Variants in ADAM18 observed in about 807,000 individuals in gnomAD.
ADAM18 encodes disintegrin and metalloproteinase domain-containing protein 18.
A neutral mutation model predicts 94.4 loss-of-function variants in ADAM18; 117 were observed. The observed-to-expected ratio is 1.24, with a 90% CI of 1.07 to 1.45. The LOEUF (loss-of-function observed/expected upper bound fraction) is 1.45, where lower values mean the gene tolerates loss of function less well. Among genes scored for constraint, ADAM18 ranks in the 40% most tolerant of loss-of-function variants. The probability of loss-of-function intolerance (pLI) is 0.00; values close to 1 mark genes in which losing one functional copy is unlikely to be tolerated. For synonymous variants in ADAM18, 327 were observed against 291.6 expected, an observed-to-expected ratio of 1.12 and a Z score of -1.24; for missense variants, 936 against 880.0, an observed-to-expected ratio of 1.06 and a Z score of -0.81.
chr8:39,690,054 A>AT (rs1821727076), intron 16 of ADAM18, among the ~76,000 whole-genome samples: 1 of 152,098 alleles, frequency 6.6e-6, no homozygotes, highest in African/African-American at 2.4e-5. Context: ...TTGCACATTG[A>AT]TTTTGTATTC....
chr8:39,597,839 T>G (rs1423537779), intron 2 of ADAM18, among the ~76,000 whole-genome samples: 1 of 152,240 alleles, frequency 6.6e-6, no homozygotes, highest in Admixed American at 6.5e-5. Flanking sequence ...GGAATTTTGA[T>G]TGGAACTATC....
At chr8:39,689,071 A>G (rs1821694323) in intron 16 of ADAM18, among the ~76,000 whole-genome samples, 1 of 151,012 alleles carries the variant, frequency 6.6e-6, no homozygotes, top group Non-Finnish European at 1.5e-5. Flanking sequence ...TTTTCTTGTA[A>G]CTTTGTTTAA....
At chr8:39,628,415 CAATA>C (rs1415575337) in intron 6 of ADAM18, among the ~76,000 whole-genome samples, 2 of 109,856 alleles carry the variant, frequency 1.8e-5, no homozygotes, top group African/African-American at 7.3e-5. Context: ...ACTGATAGAT[CAATA>C]GATAGATAGA....
chr8:39,636,001 G>GTTTTT (rs199533879), intron 7 of ADAM18, among the ~76,000 whole-genome samples: 5 of 141,876 alleles, frequency 3.5e-5, no homozygotes, highest in East Asian at 2.0e-4. Context: ...TAACCATTAA[G>GTTTTT]TTTTTTTGTT....
chr8:39,706,842 A>G lies in ADAM18; in HGVS notation c.1955A>G (p.Asp652Gly), dbSNP rs1822255470. 1 of 1,611,496 alleles carries G rather than the reference A, an allele frequency of 6.2e-7. No homozygotes were observed. The highest frequency in any genetic ancestry group is 2.2e-5 in the East Asian group (1 of 44,830). ...TGCTTCCCTGGACATAGACCTCCAG[A>G]TTGTAAATTCCAGTTTGGTTCCCCA... is the stretch of plus-strand genomic sequence containing the variant. ...CQCFPGHRPP[D>G]CKFQFGSPGG... The change falls in exon 18 of 20, where the codon GAT becomes GGT. Residue 652 changes from aspartate (D) to glycine (G), a missense_variant. Physicochemically the swap from Asp to Gly is moderately conservative, Grantham distance 94 (BLOSUM62 -1). Transcript: ENST00000265707.
intron 2 of ADAM18, among the ~76,000 whole-genome samples, chr8:39,589,658 A>G (rs1818513825): frequency 6.6e-6 from 1 of 151,630 alleles, no homozygotes; most frequent in Admixed American, 6.6e-5. Context: ...GTATGTATGT[A>G]TATATTTATT....
At chr8:39,694,361 CTG>C (rs1353399152) in intron 17 of ADAM18, among the ~76,000 whole-genome samples, 3 of 151,318 alleles carry the variant, frequency 2.0e-5, no homozygotes, top group Non-Finnish European at 4.4e-5. Flanking sequence ...CCCCTTTAAT[CTG>C]TTAATGTACA....
chr8:39,596,197 A>T (rs1818736871), intron 2 of ADAM18, among the ~76,000 whole-genome samples: 1 of 152,204 alleles, frequency 6.6e-6, no homozygotes, highest in Middle Eastern at 3.2e-3. Context: ...TTGACACATC[A>T]TCACTCAAAA....
Position 39,585,352 on chromosome 8 carries a change from G to C in ADAM18, c.132G>C (p.Lys44Asn). ...KSNDSEVSER[K>N]MIYIITIDGQ... Reference sequence around the variant, plus strand: ...ATGACAGTGAAGTTTCAGAGAGGAAGGTAAATGATGAGGAATATTTATTCT... The same window carrying C: ...ATGACAGTGAAGTTTCAGAGAGGAACGTAAATGATGAGGAATATTTATTCT... Residue 44 changes from lysine (K) to asparagine (N), a missense_variant and splice_region_variant, in exon 2 of 20, where the codon AAG becomes AAC. Transcript: ENST00000265707. The C allele has an allele frequency of 6.2e-7, 1 of 1,606,080 alleles. No homozygotes were observed.
At chr8:39,636,576 A>G (rs1173282128) in intron 7 of ADAM18, among the ~76,000 whole-genome samples, 1 of 152,050 alleles carries the variant, frequency 6.6e-6, no homozygotes. Context: ...AAAAGTATAT[A>G]TGTTTAAGAT....
At chr8:39,726,993 G>A (rs1476454966) in intron 19 of ADAM18, among the ~76,000 whole-genome samples, 2 of 152,156 alleles carry the variant, frequency 1.3e-5, no homozygotes, top group Non-Finnish European at 2.9e-5. Context: ...TTTACCAAAA[G>A]TAGTTACTTT....
chr8:39,640,195 C>T (rs1307384123), intron 10 of ADAM18, among the ~76,000 whole-genome samples: 1 of 152,042 alleles, frequency 6.6e-6, no homozygotes, highest in East Asian at 1.9e-4. Context: ...CCTCCAACCT[C>T]CAACAGGCTC....
At chr8:39,688,961 C>T (rs10088922) in intron 16 of ADAM18, among the ~76,000 whole-genome samples, 11,755 of 152,000 alleles carry the variant, frequency 0.077, 1,394 homozygotes, top group African/African-American at 0.25. Context: ...TCTTAATGCT[C>T]GATGATGTTG....
intron 2 of ADAM18, among the ~76,000 whole-genome samples, chr8:39,595,128 T>C (rs1257645304): frequency 1.3e-5 from 2 of 152,204 alleles, no homozygotes; most frequent in African/African-American, 2.4e-5. Context: ...AATTTTCAGA[T>C]TGGATAATTT....
chr8:39,630,613 G>T (rs183580332), intron 7 of ADAM18, among the ~76,000 whole-genome samples: 261 of 151,890 alleles, frequency 1.7e-3, no homozygotes, highest in African/African-American at 6.0e-3. Context: ...TATTCACATT[G>T]TTGCCCATAA....
At chr8:39,672,450 C>T (rs1821182062) in intron 14 of ADAM18, among the ~76,000 whole-genome samples, 1 of 152,134 alleles carries the variant, frequency 6.6e-6, no homozygotes, top group Non-Finnish European at 1.5e-5. Flanking sequence ...GGGTACCTTC[C>T]CTACCAAGTG....
intron 16 of ADAM18, among the ~76,000 whole-genome samples, chr8:39,687,057 A>G (rs1821626249): frequency 6.6e-6 from 1 of 152,244 alleles, no homozygotes; most frequent in African/African-American, 2.4e-5. Flanking sequence ...TGGATTGCAG[A>G]AATACAGATA....
At chr8:39,592,990 A>G (rs1460874305) in intron 2 of ADAM18, among the ~76,000 whole-genome samples, 3 of 152,198 alleles carry the variant, frequency 2.0e-5, no homozygotes, top group African/African-American at 7.2e-5. Flanking sequence ...GCTAGATCTT[A>G]CAGATCACTT....
rs1215590530 is a variant in ADAM18 at position 39,692,593 on chromosome 8, GT to G, written c.1822-3del. The G allele has an allele frequency of 2.5e-6, 4 of 1,581,432 alleles. No homozygotes were observed. Among genetic ancestry groups the G allele is most frequent in the Non-Finnish European group, 3.4e-6 (4 of 1,161,840 alleles). The stretch of plus-strand genomic sequence containing the variant: ...GAATTGTAAAATTTTTGTTTGTTTT[GT>G]TTTAGTACTGTGTAAATAAAACCTG... On this transcript the variant is annotated splice_region_variant and splice_polypyrimidine_tract_variant and intron_variant, in intron 16 of 19. Transcript: ENST00000265707.
Sources: allele counts gnomAD v4.1 joint callset (sites outside exome capture counted in the v4.1 genomes callset), GRCh38; gene constraint gnomAD v4.1.1; transcripts MANE v1.5; gene names NCBI Gene and HGNC (gene_info 2026-07-23, HGNC 2026-07-21).